DCUN1D4: variants seen among roughly 807,000 people sequenced by gnomAD.
The protein encoded by DCUN1D4 is DCN1-like protein 4.
Under a neutral mutation model 47.9 loss-of-function variants are expected in DCUN1D4, and 22 were observed. That is an observed-to-expected ratio of 0.46 (90% CI 0.33 to 0.66). DCUN1D4 has a LOEUF of 0.66. DCUN1D4 is among the 30% of genes least tolerant of loss of function. The pLI is 0.02. For synonymous variants in DCUN1D4, 121 were observed against 112.2 expected, an observed-to-expected ratio of 1.08 and a Z score of -0.50; for missense variants, 301 against 340.8, an observed-to-expected ratio of 0.88 and a Z score of 0.92.
intron 5 of DCUN1D4, chr4:51,884,984 A>G (rs1001219428): frequency 6.6e-6 from 1 of 151,932 alleles, no homozygotes; most frequent in East Asian, 1.9e-4. Context: ...CTGGACCTTA[A>G]TTTTTTTTCA....
At chr4:51,864,873 T>C (rs1449717381) in intron 3 of DCUN1D4, among the ~76,000 whole-genome samples, 1 of 152,200 alleles carries the variant, frequency 6.6e-6, no homozygotes, top group Non-Finnish European at 1.5e-5. Flanking sequence ...AAAGTTACAG[T>C]CGTCTTTTAG....
intron 7 of DCUN1D4, among the ~76,000 whole-genome samples, chr4:51,896,305 T>C (rs1731251976): frequency 6.6e-6 from 1 of 152,202 alleles, no homozygotes; most frequent in Non-Finnish European, 1.5e-5. Context: ...ACTTCACATT[T>C]CTTCTCATAG....
At chr4:51,856,841 AAAATACCACTGG>A (rs1328352982) in intron 1 of DCUN1D4, among the ~76,000 whole-genome samples, 2 of 152,182 alleles carry the variant, frequency 1.3e-5, no homozygotes, top group Admixed American at 1.3e-4. Context: ...ATTGGTGTTA[AAAATACCACTGG>A]AAACACTTGC....
intron 1 of DCUN1D4, among the ~76,000 whole-genome samples, chr4:51,852,132 T>A (rs975305791): frequency 4.6e-5 from 7 of 152,200 alleles, no homozygotes; most frequent in Non-Finnish European, 8.8e-5. Flanking sequence ...GATCTGGGAT[T>A]TCTGAGTCTC....
intron 5 of DCUN1D4, among the ~76,000 whole-genome samples, chr4:51,878,451 T>C (rs575743470): frequency 2.6e-4 from 40 of 152,346 alleles, no homozygotes; most frequent in African/African-American, 9.6e-4. Flanking sequence ...TTCTTCTTTC[T>C]CACCTTATTT....
intron 8 of DCUN1D4, among the ~76,000 whole-genome samples, chr4:51,907,308 G>A (rs1014028879): frequency 6.6e-6 from 1 of 152,204 alleles, no homozygotes; most frequent in East Asian, 1.9e-4. Context: ...TAAGTTCTAA[G>A]AGCACAATTA....
chr4:51,913,361 T>G lies in DCUN1D4; in HGVS notation c.792T>G (p.Leu264=). ...NVLEFSRTIN[L]DLSNYDEDGA... is the part of the protein sequence containing the mutation. Reference sequence around the variant, plus strand: ...TAGAGTTTAGCAGAACAATTAATCTTGACCTCAGCAACTATGATGAAGATG... The same window carrying G: ...TAGAGTTTAGCAGAACAATTAATCTGGACCTCAGCAACTATGATGAAGATG... The change falls in exon 10 of 11, where the codon CTT becomes CTG. Residue 264 remains leucine (L), a synonymous_variant. Coordinates refer to ENST00000334635, the MANE Select transcript of DCUN1D4 (RefSeq NM_001040402.3). The G allele has an allele frequency of 6.2e-7, 1 of 1,612,812 alleles. No individual in the cohort carries two copies. The highest frequency in any genetic ancestry group is 8.5e-7 in the Non-Finnish European group (1 of 1,179,122).
At chr4:51,880,209 G>A (rs749511920) in intron 5 of DCUN1D4, among the ~76,000 whole-genome samples, 4 of 152,146 alleles carry the variant, frequency 2.6e-5, no homozygotes, top group South Asian at 2.1e-4. Context: ...AAAATGAATC[G>A]TGAGAAGAAC....
chr4:51,853,486 G>A (rs1400505512), intron 1 of DCUN1D4, among the ~76,000 whole-genome samples: 1 of 152,154 alleles, frequency 6.6e-6, no homozygotes, highest in Admixed American at 6.5e-5. Context: ...TTTTCATCGT[G>A]TGCTGATAGG....
At chr4:51,890,811 A>G (rs975246720) in intron 6 of DCUN1D4, among the ~76,000 whole-genome samples, 2 of 152,170 alleles carry the variant, frequency 1.3e-5, no homozygotes, top group African/African-American at 4.8e-5. Flanking sequence ...TTGTCTTTAC[A>G]CCTTTAGGTA....
chr4:51,873,951 G>T (rs1727281967), intron 3 of DCUN1D4, among the ~76,000 whole-genome samples: 1 of 152,146 alleles, frequency 6.6e-6, no homozygotes, highest in African/African-American at 2.4e-5. Context: ...CATTTTGAGA[G>T]AACATTGACA....
At position 51,867,206 on chromosome 4, in the gene DCUN1D4, G is replaced by A. The variant is rs144403526; in HGVS notation, c.136+3497G>A. On this transcript the variant is annotated intron_variant, in intron 3 of 10. Transcript: ENST00000334635. ...TGTGGGCACCTGCACCTGGATGAGG[G>A]GAACAAGGTGGCGCCCGGAAGCTTG... is the stretch of plus-strand genomic sequence containing the variant. Among the ~76,000 whole-genome samples the A allele has an allele frequency of 1.8e-3, 274 of 152,286 alleles. 2 individuals are homozygous for A. In the East Asian group the frequency reaches 0.018, roughly 10 times the overall value.
intron 3 of DCUN1D4, among the ~76,000 whole-genome samples, chr4:51,870,331 TAAAA>T (rs374532181): frequency 3.9e-5 from 6 of 152,272 alleles, no homozygotes; most frequent in Non-Finnish European, 5.9e-5. Flanking sequence ...ATTTTTATCA[TAAAA>T]AAATCACAGT....
At chr4:51,903,083 C>A (rs531303853) in intron 8 of DCUN1D4, among the ~76,000 whole-genome samples, 7 of 152,228 alleles carry the variant, frequency 4.6e-5, no homozygotes, top group Non-Finnish European at 8.8e-5. Flanking sequence ...GCAAAAATGT[C>A]TTTTATTGTT....
chr4:51,864,653 C>T (rs953419924), intron 3 of DCUN1D4, among the ~76,000 whole-genome samples: 5 of 152,138 alleles, frequency 3.3e-5, no homozygotes, highest in African/African-American at 1.2e-4. Context: ...GCAGAAGGGG[C>T]AGGCAGCTCC....
At chr4:51,888,433 T>A (rs1729871280) in intron 6 of DCUN1D4, among the ~76,000 whole-genome samples, 1 of 152,184 alleles carries the variant, frequency 6.6e-6, no homozygotes, top group Admixed American at 6.5e-5. Flanking sequence ...TTTTGGCAGT[T>A]ATGAGTCCTT....
At chr4:51,895,114 A>G (rs762717014) in intron 7 of DCUN1D4, among the ~76,000 whole-genome samples, 5 of 151,916 alleles carry the variant, frequency 3.3e-5, no homozygotes, top group African/African-American at 4.8e-5. Flanking sequence ...TTTTGATACC[A>G]TCATCTTGGG....
rs567215153 is a variant in DCUN1D4, at chr4:51,892,491, A to G, written c.506+640A>G. On this transcript the variant is annotated intron_variant, in intron 7 of 10. Transcript: ENST00000334635. ...TTAGTGAGAAAAAGTTGAGTAATGTATAACTTGTAAGTTAAAATATTTGAT... is the reference window on the plus strand; with the variant it reads ...TTAGTGAGAAAAAGTTGAGTAATGTGTAACTTGTAAGTTAAAATATTTGAT... 7.9e-5 allele frequency among the ~76,000 whole-genome samples: 12 copies of G among 152,378 alleles called. No individual in the cohort carries two copies. In the East Asian group the frequency reaches 2.1e-3, roughly 27 times the overall value.
chr4:51,915,268 T>C lies in DCUN1D4; in HGVS notation c.*1684T>C, dbSNP rs900780252. 2 of 152,570 alleles carry C rather than the reference T, an allele frequency of 1.3e-5. No homozygotes were observed. The highest frequency in any genetic ancestry group is 1.3e-4 in the Admixed American group (2 of 15,242). The allele number at this position is 152,570 out of a possible 1,614,324, so 9.5% of individuals were successfully genotyped here. On this transcript the variant is annotated 3_prime_UTR_variant, in exon 11 of 11. Transcript: ENST00000334635. ...TGTGTGTGTATACAAAATCATGATA[T>C]AGTAGAATGCAACTACTTTCTTTTT... is the stretch of plus-strand genomic sequence containing the variant.
Sources: allele counts gnomAD v4.1 joint callset (sites outside exome capture counted in the v4.1 genomes callset), GRCh38; gene constraint gnomAD v4.1.1; transcripts MANE v1.5; gene names NCBI Gene and HGNC (gene_info 2026-07-23, HGNC 2026-07-21).